Variants in PTPRZ1 observed in about 807,000 individuals in gnomAD.
PTPRZ1 encodes protein tyrosine phosphatase receptor type Z1, also known as receptor-type tyrosine-protein phosphatase zeta.
A neutral mutation model predicts 214.1 loss-of-function variants in PTPRZ1; 82 were observed. The ratio of observed to expected loss-of-function variants is 0.38; its 90% CI spans 0.32 to 0.46. The LOEUF is 0.46. Among genes scored for constraint, PTPRZ1 ranks in the 20% least tolerant of loss-of-function variants. The pLI is 1.00. For synonymous variants in PTPRZ1, 945 were observed against 987.9 expected, an observed-to-expected ratio of 0.96 and a Z score of 0.81; for missense variants, 2,603 against 2,748.7, an observed-to-expected ratio of 0.95 and a Z score of 1.19.
At chr7:122,001,604 T>C (rs1480904099) in intron 10 of PTPRZ1, among the ~76,000 whole-genome samples, 1 of 152,212 alleles carries the variant, frequency 6.6e-6, no homozygotes, top group African/African-American at 2.4e-5. Context: ...TTTGAAGCAG[T>C]TGCGGTCTAC....
intron 3 of PTPRZ1, among the ~76,000 whole-genome samples, chr7:121,970,243 G>A (rs188774221): frequency 1.3e-5 from 2 of 152,118 alleles, no homozygotes; most frequent in Admixed American, 6.5e-5. Flanking sequence ...GCTATTGTGA[G>A]TAGTGCCACA....
chr7:122,052,008 C>CTGT, intron 25 of PTPRZ1, 69 bp downstream of exon 25: 1 of 1,317,060 alleles, frequency 7.6e-7, no homozygotes, highest in Non-Finnish European at 1.0e-6. Flanking sequence ...AATGGGCTGC[C>CTGT]AGAAGCAAAG....
intron 1 of PTPRZ1, among the ~76,000 whole-genome samples, chr7:121,879,776 T>G (rs1238714571): frequency 6.6e-6 from 1 of 151,998 alleles, no homozygotes; most frequent in Non-Finnish European, 1.5e-5. Context: ...CTCCCTTCCT[T>G]TTTTCTTTCC....
At chr7:121,963,824 T>A (rs552542433) in intron 2 of PTPRZ1, among the ~76,000 whole-genome samples, 1 of 152,230 alleles carries the variant, frequency 6.6e-6, no homozygotes, top group South Asian at 2.1e-4. Context: ...TGACTGCCTA[T>A]CCTGCCTCAC....
rs761795596 is a variant in PTPRZ1, at chr7:122,058,988, G to A, written c.6671+46G>A. 13 of 1,496,060 alleles carry A rather than the reference G, an allele frequency of 8.7e-6. No homozygotes were observed. The Admixed American group carries it at 1.3e-4, about 15-fold the overall frequency. 92.7% of individuals were successfully genotyped at this position (1,496,060 alleles called of 1,614,324 possible). On this transcript the variant is annotated intron_variant, in intron 28 of 29. Coordinates refer to ENST00000393386, the MANE Select transcript of PTPRZ1 (RefSeq NM_002851.3). ...GGTTTCACACCTGCACATTTTCTGG[G>A]CATATGTATATTTCTGTTGTCTTCA... is the stretch of plus-strand genomic sequence containing the variant.
intron 23 of PTPRZ1, 92 bp from the exon 24 acceptor site, chr7:122,051,336 T>G (rs1329095913): frequency 3.7e-6 from 2 of 535,066 alleles, no homozygotes; most frequent in Admixed American, 6.7e-5. Context: ...TCTTGATTGG[T>G]GTGTGTGTGT....
chr7:121,874,768 T>C (rs1211637302), intron 1 of PTPRZ1, among the ~76,000 whole-genome samples: 1 of 152,184 alleles, frequency 6.6e-6, no homozygotes, highest in Non-Finnish European at 1.5e-5. Context: ...GATGCATAGT[T>C]GACACATAAG....
intron 23 of PTPRZ1, among the ~76,000 whole-genome samples, chr7:122,046,043 T>G (rs1799888229): frequency 2.0e-5 from 3 of 152,180 alleles, no homozygotes. Context: ...GCTTTTGTGT[T>G]ATTAGGGCGC....
intron 5 of PTPRZ1, among the ~76,000 whole-genome samples, chr7:121,976,479 G>A (rs571919994): frequency 1.3e-5 from 2 of 152,104 alleles, no homozygotes; most frequent in Non-Finnish European, 2.9e-5. Flanking sequence ...TCTAGCTGGG[G>A]CAAAGTGTTC....
At position 122,036,583 on chromosome 7, in the gene PTPRZ1, T is replaced by C; in HGVS notation, c.5285-17T>C. ...GTAGTCTGTGCTACAATGAAATATA[T>C]TCTCTTTATATTACAGATGATCATA... On this transcript the variant is annotated splice_polypyrimidine_tract_variant and intron_variant, in intron 17 of 29. Coordinates refer to ENST00000393386, the MANE Select transcript of PTPRZ1 (RefSeq NM_002851.3). The C allele has an allele frequency of 6.6e-7, 1 of 1,525,238 alleles. No homozygotes were observed. Among genetic ancestry groups the C allele is most frequent in the Non-Finnish European group, 9.1e-7 (1 of 1,102,304 alleles). The allele number at this position is 1,525,238 out of a possible 1,614,324, so 94.5% of individuals were successfully genotyped here.
chr7:121,953,386 A>G (rs1796615053), intron 2 of PTPRZ1, among the ~76,000 whole-genome samples: 1 of 152,222 alleles, frequency 6.6e-6, no homozygotes, highest in African/African-American at 2.4e-5. Context: ...GACTGGGAAA[A>G]GGTAGATGAA....
At chr7:122,023,557 ATTATATG>A (rs1369704279) in intron 13 of PTPRZ1, among the ~76,000 whole-genome samples, 1 of 121,138 alleles carries the variant, frequency 8.3e-6, no homozygotes, top group Non-Finnish European at 1.6e-5. Flanking sequence ...AATTATATAT[ATTATATG>A]TATAATTTTA....
intron 1 of PTPRZ1, among the ~76,000 whole-genome samples, chr7:121,877,407 T>C (rs940690315): frequency 1.3e-5 from 2 of 152,226 alleles, no homozygotes; most frequent in African/African-American, 4.8e-5. Context: ...TTTCTGAGGA[T>C]CCCTTTCATG....
intron 1 of PTPRZ1, among the ~76,000 whole-genome samples, chr7:121,880,235 T>TC (rs1794196711): frequency 1.3e-5 from 2 of 152,180 alleles, no homozygotes; most frequent in Admixed American, 1.3e-4. Context: ...TTGGCCTTAT[T>TC]CAATAAGTAC....
At chr7:122,026,488 T>C (rs1799210193) in intron 13 of PTPRZ1, among the ~76,000 whole-genome samples, 2 of 152,214 alleles carry the variant, frequency 1.3e-5, no homozygotes, top group South Asian at 4.1e-4. Context: ...AGCCAAACTT[T>C]CTGTATAGTT....
intron 2 of PTPRZ1, among the ~76,000 whole-genome samples, chr7:121,929,827 AAAATAAATAAATAAAT>A (rs3069080): frequency 3.4e-5 from 5 of 145,414 alleles, no homozygotes; most frequent in East Asian, 2.0e-4. Flanking sequence ...ATAAAAATAA[AAAATAAATAAATAAAT>A]AAATAAATAA....
chr7:121,925,290 G>C (rs1008963846), intron 1 of PTPRZ1, among the ~76,000 whole-genome samples: 8 of 151,926 alleles, frequency 5.3e-5, no homozygotes, highest in Admixed American at 6.6e-5. Context: ...TCTTAACCCC[G>C]GAATTTAACT....
intron 3 of PTPRZ1, among the ~76,000 whole-genome samples, chr7:121,969,287 C>T (rs886542823): frequency 5.3e-5 from 8 of 152,048 alleles, no homozygotes; most frequent in Admixed American, 1.3e-4. Flanking sequence ...TCCTGCTGGG[C>T]GCAGTGGCTC....
Position 122,019,380 on chromosome 7 carries a change from C to CCA in PTPRZ1, c.4988+113_4988+114dup, listed in dbSNP as rs1443300674. On this transcript the variant is annotated intron_variant, in intron 13 of 29. Transcript: ENST00000393386. ...CAAAATGTATTTTACCTGAGAGCTGCCATTAATTTATTCAAGGTAAATTTG... is the reference window on the plus strand; with the variant it reads ...CAAAATGTATTTTACCTGAGAGCTGCCACATTAATTTATTCAAGGTAAATTTG... The CCA allele has an allele frequency of 4.7e-6, 5 of 1,069,552 alleles. No individual in the cohort carries two copies. In the Admixed American group the frequency reaches 1.3e-4, roughly 28 times the overall value. The allele number at this position is 1,069,552 out of a possible 1,614,324, so 66.3% of individuals were successfully genotyped here. A position where few individuals can be genotyped will look rare whatever the true frequency, so the allele number is the denominator to read the frequency against.
Sources: allele counts gnomAD v4.1 joint callset (sites outside exome capture counted in the v4.1 genomes callset), GRCh38; gene constraint gnomAD v4.1.1; transcripts MANE v1.5; gene names NCBI Gene and HGNC (gene_info 2026-07-23, HGNC 2026-07-21).